The following OR5AS1 variants were observed in gnomAD, a reference collection of about 807,000 sequenced individuals.
OR5AS1 encodes the protein olfactory receptor 5AS1.
For missense variants in OR5AS1, 492 were observed against 378.2 expected, an observed-to-expected ratio of 1.30 and a Z score of -2.50; for synonymous variants, 196 against 141.7, an observed-to-expected ratio of 1.38 and a Z score of -2.72.
At position 56,035,514 on chromosome 11, in the gene OR5AS1, T is replaced by C. The variant is rs569494064; in HGVS notation, c.*4121T>C. 1 of 150,298 alleles carries C rather than the reference T, an allele frequency of 6.7e-6. No homozygotes were observed. The highest frequency in any genetic ancestry group is 2.1e-4 in the South Asian group (1 of 4,792). 9.3% of individuals were successfully genotyped at this position (150,298 alleles called of 1,614,324 possible). A position where few individuals can be genotyped will look rare whatever the true frequency, so the allele number is the denominator to read the frequency against. ...TCCTAGTCTCTGATAAAACAGACTA[T>C]AACCAAAAAAGATCAAAAGAGATAA... On this transcript the variant is annotated 3_prime_UTR_variant, in exon 2 of 2. Transcript: ENST00000641320.
rs1853408714 is a variant in OR5AS1, at chr11:56,036,667, G to A, written c.*5274G>A. ...AGCCTACCAACAAAAAATAGTCCAGGACCAGCCAAATTCTACCAGACATAC... is the reference window on the plus strand; with the variant it reads ...AGCCTACCAACAAAAAATAGTCCAGAACCAGCCAAATTCTACCAGACATAC... On this transcript the variant is annotated 3_prime_UTR_variant, in exon 2 of 2. Transcript: ENST00000641320. 6.6e-6 allele frequency: 1 copy of A among 150,626 alleles called. No individual in the cohort carries two copies. The highest frequency in any genetic ancestry group is 1.5e-5 in the Non-Finnish European group (1 of 67,202). The allele number at this position is 150,626 out of a possible 1,614,324, so 9.3% of individuals were successfully genotyped here. A position where few individuals can be genotyped will look rare whatever the true frequency, so the allele number is the denominator to read the frequency against.
In OR5AS1 at chr11:56,031,150, C is replaced by A. The variant is rs1363649765; in HGVS notation, c.732C>A (p.His244Gln). The change falls in exon 2 of 2, where the codon CAC becomes CAA. Residue 244 changes from histidine (H) to glutamine (Q), a missense_variant. By Grantham distance (24) the His-to-Gln change is conservative. Transcript: ENST00000641320. ...RSKTFSTCAS[H>Q]LIAVTLFYGA... ...AAACATTCTCCACTTGTGCTTCCCA[C>A]CTCATAGCAGTCACCTTATTCTATG... The A allele has an allele frequency of 1.2e-6, 2 of 1,614,140 alleles. No homozygotes were observed. The highest frequency in any genetic ancestry group is 1.7e-6 in the Non-Finnish European group (2 of 1,180,018).
chr11:56,035,959 G>C lies in OR5AS1; in HGVS notation c.*4566G>C, dbSNP rs189159050. 6.6e-6 allele frequency: 1 copy of C among 152,224 alleles called. No individual in the cohort carries two copies. Among genetic ancestry groups the C allele is most frequent in the Admixed American group, 6.5e-5 (1 of 15,288 alleles). The allele number at this position is 152,224 out of a possible 1,614,324, so 9.4% of individuals were successfully genotyped here. A position where few individuals can be genotyped will look rare whatever the true frequency, so the allele number is the denominator to read the frequency against. The stretch of plus-strand genomic sequence containing the variant: ...CTCAGACCACAGTGCAATCAAATTA[G>C]AACTCAGGATTAAGAAACTCACTCA... On this transcript the variant is annotated 3_prime_UTR_variant, in exon 2 of 2. Coordinates refer to ENST00000641320, the MANE Select transcript of OR5AS1 (RefSeq NM_001001921.2).
chr11:56,028,735 G>T (rs2134689149), intron 1 of OR5AS1, among the ~76,000 whole-genome samples: 1 of 151,966 alleles, frequency 6.6e-6, no homozygotes, highest in Non-Finnish European at 1.5e-5. Context: ...TGGGACTCAA[G>T]AAAGAAAAAT....
rs1451603874 is a variant in OR5AS1, at chr11:56,037,932, A to G, written c.*6539A>G. The G allele has an allele frequency of 6.6e-6, 1 of 152,122 alleles. No individual in the cohort carries two copies. The highest frequency in any genetic ancestry group is 2.4e-5 in the African/African-American group (1 of 41,378). The allele number at this position is 152,122 out of a possible 1,614,324, so 9.4% of individuals were successfully genotyped here. A position where few individuals can be genotyped will look rare whatever the true frequency, so the allele number is the denominator to read the frequency against. ...GGTACCAAAGCAGATATATAGACCA[A>G]TGGAACAGAATAGAGGCCTCACAAA... On this transcript the variant is annotated 3_prime_UTR_variant, in exon 2 of 2. Coordinates refer to ENST00000641320, the MANE Select transcript of OR5AS1 (RefSeq NM_001001921.2).
rs771242940 is a variant in OR5AS1, at chr11:56,031,098, G to T, written c.680G>T (p.Ser227Ile). 2 of 1,614,034 alleles carry T rather than the reference G, an allele frequency of 1.2e-6. No homozygotes were observed. Among genetic ancestry groups the T allele is most frequent in the South Asian group, 2.2e-5 (2 of 91,082 alleles). Reference sequence around the variant, plus strand: ...TTCTGCATCCTCATCACTGTGTTGAGCATCAAGTCCTCAGGTGGCAGAAGC... The same window carrying T: ...TTCTGCATCCTCATCACTGTGTTGATCATCAAGTCCTCAGGTGGCAGAAGC... ...SYFCILITVL[S>I]IKSSGGRSKT... Residue 227 changes from serine to isoleucine, a missense_variant, in exon 2 of 2, where the codon AGC becomes ATC. Transcript: ENST00000641320.
rs1047687846 is a variant in OR5AS1 at position 56,032,518 on chromosome 11, A to C, written c.*1125A>C. On this transcript the variant is annotated 3_prime_UTR_variant, in exon 2 of 2. Transcript: ENST00000641320. ...TGATACACCATGTACATGTGAAATA[A>C]AAAAGTGTGCATTTTGTAATAATTA... 5.3e-5 allele frequency: 8 copies of C among 152,118 alleles called. No homozygotes were observed. The highest frequency in any genetic ancestry group is 7.4e-5 in the Non-Finnish European group (5 of 68,022). The allele number at this position is 152,118 out of a possible 1,614,324, so 9.4% of individuals were successfully genotyped here. A position where few individuals can be genotyped will look rare whatever the true frequency, so the allele number is the denominator to read the frequency against.
chr11:56,034,122 T>G lies in OR5AS1; in HGVS notation c.*2729T>G, dbSNP rs1853380161. ...ACCAACATCAAAGACCAAAGGTAGA[T>G]AAATGCATGATGGTGAGGAAAAACC... On this transcript the variant is annotated 3_prime_UTR_variant, in exon 2 of 2. Transcript: ENST00000641320. 6.6e-6 allele frequency: 1 copy of G among 152,086 alleles called. No homozygotes were observed. The highest frequency in any genetic ancestry group is 2.4e-5 in the African/African-American group (1 of 41,362). 9.4% of individuals were successfully genotyped at this position (152,086 alleles called of 1,614,324 possible). A position where few individuals can be genotyped will look rare whatever the true frequency, so the allele number is the denominator to read the frequency against.
At chr11:56,028,576 G>A (rs971875197) in intron 1 of OR5AS1, among the ~76,000 whole-genome samples, 2 of 152,042 alleles carry the variant, frequency 1.3e-5, no homozygotes, top group Non-Finnish European at 2.9e-5. Flanking sequence ...AGATCCAGTG[G>A]GGTCCAACTC....
rs1049263224 is a variant in OR5AS1, at chr11:56,036,975, T to G, written c.*5582T>G. The G allele has an allele frequency of 6.6e-6, 1 of 152,144 alleles. No homozygotes were observed. Among genetic ancestry groups the G allele is most frequent in the Non-Finnish European group, 1.5e-5 (1 of 68,040 alleles). The allele number at this position is 152,144 out of a possible 1,614,324, so 9.4% of individuals were successfully genotyped here. The stretch of plus-strand genomic sequence containing the variant: ...GGCTGGCTTAACATACGCAAATCAA[T>G]AAACGTAACCCATCTCATAAACAGA... On this transcript the variant is annotated 3_prime_UTR_variant, in exon 2 of 2. Coordinates refer to ENST00000641320, the MANE Select transcript of OR5AS1 (RefSeq NM_001001921.2).
rs768616037 is a variant in OR5AS1 at position 56,030,406 on chromosome 11, C to A, written c.-13C>A. Reference sequence around the variant, plus strand: ...TACTACCTAGGTCCAGTGGGAAAAACAAGAAAACTAAGATGTTGGAGAGTA... The same window carrying A: ...TACTACCTAGGTCCAGTGGGAAAAAAAAGAAAACTAAGATGTTGGAGAGTA... On this transcript the variant is annotated 5_prime_UTR_variant, in exon 2 of 2. Transcript: ENST00000641320. 1 of 1,433,960 alleles carries A rather than the reference C, an allele frequency of 7.0e-7. No homozygotes were observed. The highest frequency in any genetic ancestry group is 1.9e-5 in the South Asian group (1 of 52,562). The allele number at this position is 1,433,960 out of a possible 1,614,324, so 88.8% of individuals were successfully genotyped here. A position where few individuals can be genotyped will look rare whatever the true frequency, so the allele number is the denominator to read the frequency against.
Position 56,031,281 on chromosome 11 carries a change from T to C in OR5AS1, c.863T>C (p.Ile288Thr), listed in dbSNP as rs546231009. 10 of 1,612,550 alleles carry C rather than the reference T, an allele frequency of 6.2e-6. No individual in the cohort carries two copies. In the East Asian group the frequency reaches 2.2e-4, roughly 36 times the overall value. ...GTTGTATTTCCCATGTTTAATCCAA[T>C]AATTTATAGTTTCAGAAACAAGGAT... Reference protein sequence around the residue: ...YTVVFPMFNPIIYSFRNKDVK... With the variant: ...YTVVFPMFNPTIYSFRNKDVK... Residue 288 changes from isoleucine (I) to threonine (T), a missense_variant, in exon 2 of 2, where the codon ATA becomes ACA. Physicochemically the swap from Ile to Thr is moderately conservative, Grantham distance 89. Coordinates refer to ENST00000641320, the MANE Select transcript of OR5AS1 (RefSeq NM_001001921.2).
rs184075641 is a variant in OR5AS1 at position 56,033,866 on chromosome 11, T to A, written c.*2473T>A. The A allele has an allele frequency of 1.3e-5, 2 of 152,300 alleles. No homozygotes were observed. The highest frequency in any genetic ancestry group is 3.9e-4 in the East Asian group (2 of 5,168). 9.4% of individuals were successfully genotyped at this position (152,300 alleles called of 1,614,324 possible). The stretch of plus-strand genomic sequence containing the variant: ...CCAGTAGGGGTTGACAGATACCTCA[T>A]AGGAGAGAGCTCCAGCTGGCATCTC... On this transcript the variant is annotated 3_prime_UTR_variant, in exon 2 of 2. Transcript: ENST00000641320.
Position 56,030,677 on chromosome 11 carries a change from G to A in OR5AS1, c.259G>A (p.Ala87Thr), listed in dbSNP as rs201047555. 96 of 1,590,012 alleles carry A rather than the reference G, an allele frequency of 6.0e-5. No individual in the cohort carries two copies. Among genetic ancestry groups the A allele is most frequent in the Non-Finnish European group, 7.3e-5 (85 of 1,166,282 alleles). Residue 87 changes from alanine to threonine, a missense_variant, in exon 2 of 2, where the codon GCA (alanine) becomes ACA (threonine). Coordinates refer to ENST00000641320, the MANE Select transcript of OR5AS1 (RefSeq NM_001001921.2). The stretch of plus-strand genomic sequence containing the variant: ...TCCTAAAATGCTGGCAAACTTCTTG[G>A]CATCCAGGAAAAGCATCTCTCCTTA... ...ITPKMLANFL[A>T]SRKSISPYGC...
Position 56,032,633 on chromosome 11 carries a change from A to T in OR5AS1, c.*1240A>T, listed in dbSNP as rs945111067. On this transcript the variant is annotated 3_prime_UTR_variant, in exon 2 of 2. Coordinates refer to ENST00000641320, the MANE Select transcript of OR5AS1 (RefSeq NM_001001921.2). The stretch of plus-strand genomic sequence containing the variant: ...GCACCTAATGAAATGGATTGTTTTG[A>T]GTATTAAGTAAAGTTATATATGTAA... 6.6e-6 allele frequency: 1 copy of T among 152,152 alleles called. No individual in the cohort carries two copies. Among genetic ancestry groups the T allele is most frequent in the African/African-American group, 2.4e-5 (1 of 41,388 alleles). The allele number at this position is 152,152 out of a possible 1,614,324, so 9.4% of individuals were successfully genotyped here.
rs111701680 is a variant in OR5AS1 at position 56,037,867 on chromosome 11, C to T, written c.*6474C>T. 6.6e-6 allele frequency: 1 copy of T among 152,030 alleles called. No individual in the cohort carries two copies. The highest frequency in any genetic ancestry group is 2.4e-5 in the African/African-American group (1 of 41,326). The allele number at this position is 152,030 out of a possible 1,614,324, so 9.4% of individuals were successfully genotyped here. A position where few individuals can be genotyped will look rare whatever the true frequency, so the allele number is the denominator to read the frequency against. ...AGGCATCATGCTACCTGGCTTCAAA[C>T]TATACTACAAGGCTACAGTAATAAA... On this transcript the variant is annotated 3_prime_UTR_variant, in exon 2 of 2. Transcript: ENST00000641320.
rs1019038770 is a variant in OR5AS1, at chr11:56,035,054, C to T, written c.*3661C>T. On this transcript the variant is annotated 3_prime_UTR_variant, in exon 2 of 2. Coordinates refer to ENST00000641320, the MANE Select transcript of OR5AS1 (RefSeq NM_001001921.2). ...GAGTGGAGGGAAATAAAATCCTTTA[C>T]AGAAAAGCAAATGCTGAGAGATTTT... 18 of 152,084 alleles carry T rather than the reference C, an allele frequency of 1.2e-4. No individual in the cohort carries two copies. Among genetic ancestry groups the T allele is most frequent in the African/African-American group, 4.4e-4 (18 of 41,374 alleles). 9.4% of individuals were successfully genotyped at this position (152,084 alleles called of 1,614,324 possible). A position where few individuals can be genotyped will look rare whatever the true frequency, so the allele number is the denominator to read the frequency against.
At position 56,035,234 on chromosome 11, in the gene OR5AS1, A is replaced by G. The variant is rs1441662743; in HGVS notation, c.*3841A>G. 2 of 152,180 alleles carry G rather than the reference A, an allele frequency of 1.3e-5. No homozygotes were observed. The highest frequency in any genetic ancestry group is 2.9e-5 in the Non-Finnish European group (2 of 68,030). The allele number at this position is 152,180 out of a possible 1,614,324, so 9.4% of individuals were successfully genotyped here. ...CTAATGGGCAAAATAACCAGCTAGC[A>G]TCATAATGACAGGATCAAATTCACA... is the stretch of plus-strand genomic sequence containing the variant. On this transcript the variant is annotated 3_prime_UTR_variant, in exon 2 of 2. Transcript: ENST00000641320.
chr11:56,033,946 A>G lies in OR5AS1; in HGVS notation c.*2553A>G, dbSNP rs1053122152. 2.0e-5 allele frequency: 3 copies of G among 152,232 alleles called. No individual in the cohort carries two copies. The highest frequency in any genetic ancestry group is 6.5e-5 in the Admixed American group (1 of 15,276). 9.4% of individuals were successfully genotyped at this position (152,232 alleles called of 1,614,324 possible). A position where few individuals can be genotyped will look rare whatever the true frequency, so the allele number is the denominator to read the frequency against. On this transcript the variant is annotated 3_prime_UTR_variant, in exon 2 of 2. Coordinates refer to ENST00000641320, the MANE Select transcript of OR5AS1 (RefSeq NM_001001921.2). ...AAGGAAGGAACGGGCAGCAATCTTT[A>G]CTGTTCTGCAGCCTTCGCAGGCAAA... is the stretch of plus-strand genomic sequence containing the variant.
Sources: allele counts gnomAD v4.1 joint callset (sites outside exome capture counted in the v4.1 genomes callset), GRCh38; gene constraint gnomAD v4.1.1; transcripts MANE v1.5; gene names NCBI Gene and HGNC (gene_info 2026-07-23, HGNC 2026-07-21).